OXR1: variants seen among roughly 807,000 people sequenced by gnomAD.
OXR1 encodes the protein oxidation resistance 1.
Under a neutral mutation model 104.6 loss-of-function variants are expected in OXR1, and 41 were observed. That is an observed-to-expected ratio of 0.39 (90% confidence interval 0.31 to 0.51). The LOEUF (loss-of-function observed/expected upper bound fraction) is 0.51, where lower values mean the gene tolerates loss of function less well. Among genes scored for constraint, OXR1 ranks in the 20% least tolerant of loss-of-function variants. The pLI is 0.77. For missense variants in OXR1, 955 were observed against 1,031.9 expected (o/e 0.93, Z 1.02); for synonymous variants, 348 against 348.4 (o/e 1.00, Z 0.01).
chr8:106,733,775 G>A (rs1406790505), intron 11 of OXR1, among the ~76,000 whole-genome samples: 6 of 145,974 alleles, frequency 4.1e-5, no homozygotes, highest in Non-Finnish European at 7.4e-5. Flanking sequence ...GCAGTGAGCC[G>A]AGATTGTGCC....
At position 106,427,943 on chromosome 8, in the gene OXR1, C is replaced by A. The variant is rs1819200607; in HGVS notation, c.23+68307C>A. On this transcript the variant is annotated intron_variant, in intron 2 of 16. Transcript: ENST00000517566. ...CAAATTAACAAAATTTTCTCCAGTG[C>A]TGTTTAAATAGAAATTTCTATGATA... Among the ~76,000 whole-genome samples, 4 of 152,150 alleles carry A rather than the reference C, an allele frequency of 2.6e-5. 1 individual carries two copies. The highest frequency in any genetic ancestry group is 1.3e-4 in the Admixed American group (2 of 15,266).
At chr8:106,343,735 T>A (rs1260566996) in intron 1 of OXR1, among the ~76,000 whole-genome samples, 2 of 152,210 alleles carry the variant, frequency 1.3e-5, no homozygotes, top group Non-Finnish European at 2.9e-5. Flanking sequence ...GCTGGAAGAA[T>A]GGACAGTAGG....
intron 2 of OXR1, among the ~76,000 whole-genome samples, chr8:106,408,459 T>A (rs1034424262): frequency 2.6e-5 from 4 of 152,198 alleles, no homozygotes; most frequent in African/African-American, 9.6e-5. Context: ...TGTAAGGATT[T>A]AGATGCACAA....
chr8:106,586,010 C>G (rs1169019675), intron 3 of OXR1, among the ~76,000 whole-genome samples: 1 of 152,120 alleles, frequency 6.6e-6, no homozygotes, highest in Non-Finnish European at 1.5e-5. Flanking sequence ...TAATTCTGGG[C>G]TAGAGTTTTT....
rs185354783 is a variant in OXR1 at position 106,316,435 on chromosome 8, C to T, written c.-138-43041C>T. Reference sequence around the variant, plus strand: ...AGGCAGGGCTTTTTGGACATTCCTACCTCATTACATTTTGCATTTATCTGC... The same window carrying T: ...AGGCAGGGCTTTTTGGACATTCCTATCTCATTACATTTTGCATTTATCTGC... On this transcript the variant is annotated intron_variant, in intron 1 of 16. Coordinates refer to ENST00000517566, the MANE Select transcript of OXR1 (RefSeq NM_001198533.2). Among the ~76,000 whole-genome samples, 301 of 152,248 alleles carry T rather than the reference C, an allele frequency of 2.0e-3. 1 individual carries two copies. Among genetic ancestry groups the T allele is most frequent in the Admixed American group, 3.5e-3 (53 of 15,292 alleles).
chr8:106,472,210 C>T (rs1032605848), intron 2 of OXR1, among the ~76,000 whole-genome samples: 1 of 151,772 alleles, frequency 6.6e-6, no homozygotes, highest in Non-Finnish European at 1.5e-5. Flanking sequence ...GGAGAATACT[C>T]TCTGGAATAT....
chr8:106,439,469 A>C (rs1280604810), intron 2 of OXR1, among the ~76,000 whole-genome samples: 1 of 152,088 alleles, frequency 6.6e-6, no homozygotes, highest in African/African-American at 2.4e-5. Flanking sequence ...CCCAAAATAA[A>C]ACAGTTGTTT....
chr8:106,510,255 C>T (rs1812436712), intron 2 of OXR1, among the ~76,000 whole-genome samples: 1 of 152,138 alleles, frequency 6.6e-6, no homozygotes, highest in Non-Finnish European at 1.5e-5. Context: ...ATTCATTCAA[C>T]AATTTATTTC....
intron 3 of OXR1, among the ~76,000 whole-genome samples, chr8:106,655,270 C>T (rs763989575): frequency 1.3e-5 from 2 of 151,164 alleles, no homozygotes; most frequent in African/African-American, 2.4e-5. Flanking sequence ...AATTTTAACA[C>T]GTGAATTTTA....
chr8:106,391,166 T>A (rs914241216), intron 2 of OXR1, among the ~76,000 whole-genome samples: 2 of 152,228 alleles, frequency 1.3e-5, no homozygotes, highest in Non-Finnish European at 2.9e-5. Context: ...TAAAGATGTG[T>A]GATGACTTGA....
At chr8:106,748,154 C>G (rs879411135) in intron 16 of OXR1, among the ~76,000 whole-genome samples, 1 of 152,230 alleles carries the variant, frequency 6.6e-6, no homozygotes, top group Middle Eastern at 3.4e-3. Flanking sequence ...AATTCAAATG[C>G]GTTTCTAATT....
At chr8:106,596,755 G>C (rs1217616693) in intron 3 of OXR1, among the ~76,000 whole-genome samples, 1 of 152,060 alleles carries the variant, frequency 6.6e-6, no homozygotes, top group East Asian at 1.9e-4. Flanking sequence ...AAATGGTAAA[G>C]AACTAGTACG....
At chr8:106,329,255 G>T (rs552388075) in intron 1 of OXR1, among the ~76,000 whole-genome samples, 26 of 152,026 alleles carry the variant, frequency 1.7e-4, no homozygotes, top group African/African-American at 6.0e-4. Flanking sequence ...CCCTCCCAAA[G>T]TGCTGAGATT....
chr8:106,480,599 A>G (rs536025108), intron 2 of OXR1, among the ~76,000 whole-genome samples: 1 of 152,074 alleles, frequency 6.6e-6, no homozygotes, highest in South Asian at 2.1e-4. Context: ...TATAAACTAG[A>G]TAATGCTACA....
chr8:106,279,411 A>G (rs1317738122), intron 1 of OXR1, among the ~76,000 whole-genome samples: 4 of 152,186 alleles, frequency 2.6e-5, no homozygotes, highest in African/African-American at 9.6e-5. Context: ...AGTATCATGC[A>G]CACATTATGT....
chr8:106,520,323 A>C (rs73699544), intron 3 of OXR1, among the ~76,000 whole-genome samples: 2 of 151,600 alleles, frequency 1.3e-5, no homozygotes, highest in African/African-American at 4.9e-5. Context: ...AATGATCATC[A>C]GGAGACCAGA....
intron 1 of OXR1, among the ~76,000 whole-genome samples, chr8:106,298,280 C>T (rs1027202604): frequency 1.3e-5 from 2 of 152,132 alleles, no homozygotes; most frequent in Admixed American, 6.5e-5. Flanking sequence ...CTAGAGAGGC[C>T]TCACAATCAT....
chr8:106,364,055 T>C (rs1327443215), intron 2 of OXR1, among the ~76,000 whole-genome samples: 1 of 152,114 alleles, frequency 6.6e-6, no homozygotes, highest in African/African-American at 2.4e-5. Flanking sequence ...AGTTTGTTAG[T>C]AGAATTTTAT....
At chr8:106,296,474 A>G (rs1812998953) in intron 1 of OXR1, among the ~76,000 whole-genome samples, 1 of 152,192 alleles carries the variant, frequency 6.6e-6, no homozygotes. Context: ...TGGAAGGAAG[A>G]TGGCATTATT....
Sources: gnomAD v4.1 joint callset for allele counts (sites outside exome capture counted in the v4.1 genomes callset) on GRCh38, gnomAD v4.1.1 for gene constraint, MANE v1.5 for transcripts, NCBI Gene and HGNC (gene_info 2026-07-23, HGNC 2026-07-21) for gene names.